Variants in EPB41L4A observed in about 807,000 individuals in gnomAD.
EPB41L4A encodes band 4.1-like protein 4A.
Under a neutral mutation model 108.6 loss-of-function variants are expected in EPB41L4A, and 100 were observed. The ratio of observed to expected loss-of-function variants is 0.92; its 90% CI spans 0.78 to 1.09. The LOEUF is 1.09. Among genes scored for constraint, EPB41L4A ranks in the 50% least tolerant of loss-of-function variants. The probability of loss-of-function intolerance (pLI) is 0.00; values close to 1 mark genes in which losing one functional copy is unlikely to be tolerated. For synonymous variants in EPB41L4A, 319 were observed against 289.0 expected (o/e 1.10, Z -1.05); for missense variants, 1,030 against 842.7 (o/e 1.22, Z -2.75).
chr5:112,151,775 A>T (rs1316328079), intron 12 of EPB41L4A, among the ~76,000 whole-genome samples: 18 of 151,746 alleles, frequency 1.2e-4, no homozygotes, highest in African/African-American at 4.4e-4. Context: ...TTGTTGCTCA[A>T]ACTGGAGTGC....
At chr5:112,287,519 G>A (rs1178798278) in intron 2 of EPB41L4A, among the ~76,000 whole-genome samples, 1 of 152,218 alleles carries the variant, frequency 6.6e-6, no homozygotes, top group African/African-American at 2.4e-5. Context: ...TGCCCTTGCA[G>A]TTAGAGAAAA....
chr5:112,307,631 C>A, intron 1 of EPB41L4A, 141 bp from the exon 2 acceptor site: 1 of 472,420 alleles, frequency 2.1e-6, no homozygotes, highest in Non-Finnish European at 3.6e-6. Flanking sequence ...GTAAGTTGTG[C>A]CTCAATTATG....
chr5:112,272,136 G>GTTTTT (rs762038991), intron 4 of EPB41L4A, among the ~76,000 whole-genome samples: 1 of 25,080 alleles, frequency 4.0e-5, no homozygotes, highest in Non-Finnish European at 8.0e-5. Flanking sequence ...AGCATTATTT[G>GTTTTT]TATTTTTTTT....
intron 12 of EPB41L4A, among the ~76,000 whole-genome samples, chr5:112,217,941 TC>T (rs1466130636): frequency 6.6e-6 from 1 of 152,130 alleles, no homozygotes; most frequent in Non-Finnish European, 1.5e-5. Context: ...AATTTCCTCT[TC>T]CCAGACCCAG....
intron 15 of EPB41L4A, among the ~76,000 whole-genome samples, chr5:112,196,307 T>C (rs1035450968): frequency 2.0e-5 from 3 of 152,190 alleles, no homozygotes; most frequent in Admixed American, 1.3e-4. Context: ...TGATGAGTTA[T>C]GTGATTTAAA....
At chr5:112,244,225 C>T (rs530886211) in intron 9 of EPB41L4A, among the ~76,000 whole-genome samples, 74 of 152,264 alleles carry the variant, frequency 4.9e-4, no homozygotes, top group African/African-American at 1.4e-3. Flanking sequence ...CAGGGAATGG[C>T]CAGTCTGTGG....
chr5:112,145,964 T>TCTC (rs1759238786), exon 13 of EPB41L4A: 2 of 456,620 alleles, frequency 4.4e-6, no homozygotes, highest in African/African-American at 4.0e-5. Context: ...ATTTCCAAGT[T>TCTC]CTCTGCCCTT....
chr5:112,419,396 C>T, upstream of EPB41L4A: 1 of 360,032 alleles, frequency 2.8e-6, no homozygotes, highest in Non-Finnish European at 5.4e-6. Context: ...GCACTGGGGG[C>T]AAGAGACCAG....
rs1469687318 is a variant in EPB41L4A at position 112,209,872 on chromosome 5, CTTCAG to C, written c.1178+15_1178+19del. 1 of 1,459,818 alleles carries C rather than the reference CTTCAG, an allele frequency of 6.9e-7. No individual in the cohort carries two copies. Among genetic ancestry groups the C allele is most frequent in the Non-Finnish European group, 9.5e-7 (1 of 1,047,894 alleles). 90.4% of individuals were successfully genotyped at this position (1,459,818 alleles called of 1,614,324 possible). A position where few individuals can be genotyped will look rare whatever the true frequency, so the allele number is the denominator to read the frequency against. On this transcript the variant is annotated intron_variant, in intron 13 of 22. Transcript: ENST00000261486. ...TACAACAGCATATAATTGTACGTTTCTTCAGTTAACTTCACTGACCTTTTTACTGG... is the reference window on the plus strand; with the variant it reads ...TACAACAGCATATAATTGTACGTTTCTTAACTTCACTGACCTTTTTACTGG...
rs1018263485 is a variant in EPB41L4A at position 112,342,614 on chromosome 5, G to A, written c.100-35124C>T. On this transcript the variant is annotated intron_variant, in intron 1 of 22. Transcript: ENST00000261486. ...CTGAGGGTCTATTGTTCCTAGTCGA[G>A]CAAGAGCAGTCAGCAGTCAGCAGCC... 2.6e-5 allele frequency among the ~76,000 whole-genome samples: 4 copies of A among 152,166 alleles called. No homozygotes were observed. In the East Asian group the frequency reaches 7.7e-4, roughly 29 times the overall value.
intron 9 of EPB41L4A, among the ~76,000 whole-genome samples, chr5:112,242,901 C>T (rs1229071124): frequency 6.6e-6 from 1 of 151,988 alleles, no homozygotes; most frequent in Non-Finnish European, 1.5e-5. Flanking sequence ...CAGTAGATAT[C>T]AACATTGGGC....
At chr5:112,231,965 A>G (rs894350057) in intron 12 of EPB41L4A, among the ~76,000 whole-genome samples, 2 of 151,498 alleles carry the variant, frequency 1.3e-5, no homozygotes, top group Non-Finnish European at 2.9e-5. Context: ...TTAAAAAAAC[A>G]TTAGCCGGGC....
chr5:112,391,309 G>A (rs992138850), intron 1 of EPB41L4A, among the ~76,000 whole-genome samples: 2 of 152,158 alleles, frequency 1.3e-5, no homozygotes, highest in Non-Finnish European at 2.9e-5. Context: ...CAAACCCATC[G>A]CAAGGAAGCT....
At chr5:112,335,858 C>G (rs1016234617) in intron 1 of EPB41L4A, among the ~76,000 whole-genome samples, 5 of 152,228 alleles carry the variant, frequency 3.3e-5, no homozygotes, top group African/African-American at 1.2e-4. Context: ...CATGACCCAT[C>G]ACAGCTGGTG....
At chr5:112,246,189 A>G (rs745410526) in intron 9 of EPB41L4A, among the ~76,000 whole-genome samples, 4 of 151,956 alleles carry the variant, frequency 2.6e-5, no homozygotes, top group Non-Finnish European at 5.9e-5. Flanking sequence ...TTTTTCTTTT[A>G]GTTTTCTTTT....
At chr5:112,402,812 T>C (rs1170054140) in intron 1 of EPB41L4A, among the ~76,000 whole-genome samples, 3 of 152,194 alleles carry the variant, frequency 2.0e-5, no homozygotes, top group African/African-American at 7.2e-5. Context: ...CTGTTTTCAG[T>C]ACCTCAATTT....
At chr5:112,314,224 C>T (rs1189581069) in intron 1 of EPB41L4A, among the ~76,000 whole-genome samples, 1 of 151,768 alleles carries the variant, frequency 6.6e-6, no homozygotes, top group Non-Finnish European at 1.5e-5. Flanking sequence ...CTATTACGGG[C>T]CATTATATAC....
Position 112,335,272 on chromosome 5 carries a change from G to A in EPB41L4A, c.100-27782C>T, listed in dbSNP as rs150543570. On this transcript the variant is annotated intron_variant, in intron 1 of 22. Coordinates refer to ENST00000261486, the MANE Select transcript of EPB41L4A (RefSeq NM_022140.5). ...ACACCCAAGCACCAACTCACAGAGG[G>A]GATCAGTGTTAAGGACCCTCCTTCT... Among the ~76,000 whole-genome samples the A allele has an allele frequency of 3.8e-3, 580 of 152,278 alleles. 7 individuals carry two copies. The highest frequency in any genetic ancestry group is 0.034 in the Admixed American group (515 of 15,298).
intron 9 of EPB41L4A, among the ~76,000 whole-genome samples, chr5:112,242,210 A>G (rs1749842581): frequency 6.6e-6 from 1 of 152,230 alleles, no homozygotes; most frequent in African/African-American, 2.4e-5. Flanking sequence ...CATTTGACCC[A>G]CAGTAGAACT....
Sources: gnomAD v4.1 joint callset for allele counts (sites outside exome capture counted in the v4.1 genomes callset) on GRCh38, gnomAD v4.1.1 for gene constraint, MANE v1.5 for transcripts, NCBI Gene and HGNC (gene_info 2026-07-23, HGNC 2026-07-21) for gene names.